The following RBFOX1 variants were observed in gnomAD, a reference collection of about 807,000 sequenced individuals.
RBFOX1 encodes RNA binding fox-1 homolog 1.
Under a neutral mutation model 57.7 loss-of-function variants are expected in RBFOX1, and 8 were observed. The ratio of observed to expected loss-of-function variants is 0.14; its 90% confidence interval spans 0.08 to 0.25. The LOEUF is 0.25. RBFOX1 is among the 10% of genes least tolerant of loss of function. RBFOX1 has a pLI of 1.00. For synonymous variants in RBFOX1, 326 were observed against 222.4 expected (o/e 1.47, Z -4.15); for missense variants, 611 against 548.5 (o/e 1.11, Z -1.14).
intron 4 of RBFOX1, among the ~76,000 whole-genome samples, chr16:5,977,063 C>G (rs895162750): frequency 1.3e-5 from 2 of 152,228 alleles, no homozygotes; most frequent in East Asian, 1.9e-4. Context: ...ATCAGAATCT[C>G]CTGTCTCAGA....
At chr16:6,122,960 T>TA (rs5815286) in intron 1 of RBFOX1, among the ~76,000 whole-genome samples, 55,892 of 147,370 alleles carry the variant, frequency 0.38, 11,058 homozygotes, top group Non-Finnish European at 0.46. Flanking sequence ...CAGCAAACCA[T>TA]AAAAAAAAAA....
intron 2 of RBFOX1, among the ~76,000 whole-genome samples, chr16:6,398,703 C>G (rs754130005): frequency 6.6e-6 from 1 of 152,236 alleles, no homozygotes; most frequent in East Asian, 1.9e-4. Flanking sequence ...CAGCTCTGCC[C>G]CTATGCCTTT....
intron 1 of RBFOX1, among the ~76,000 whole-genome samples, chr16:6,099,314 G>C (rs1254425133): frequency 6.6e-6 from 1 of 152,144 alleles, no homozygotes; most frequent in Non-Finnish European, 1.5e-5. Flanking sequence ...TCATGATGAC[G>C]TCAGTAAAGG....
At chr16:5,366,873 G>T (rs996025569) in intron 1 of RBFOX1, among the ~76,000 whole-genome samples, 48 of 152,196 alleles carry the variant, frequency 3.2e-4, no homozygotes, top group Admixed American at 3.1e-3. Context: ...TTTAAAGATG[G>T]AGCTTCACCC....
intron 14 of RBFOX1, among the ~76,000 whole-genome samples, chr16:7,695,963 G>GGGTGGAGATAGTGA (rs2078681643): frequency 6.6e-6 from 1 of 152,156 alleles, no homozygotes; most frequent in Non-Finnish European, 1.5e-5. Flanking sequence ...CAGGGGCTTC[G>GGGTGGAGATAGTGA]GGTGGAGATA....
At chr16:6,478,050 T>C (rs2095301538) in intron 2 of RBFOX1, among the ~76,000 whole-genome samples, 1 of 152,114 alleles carries the variant, frequency 6.6e-6, no homozygotes. Context: ...GAGAATGTTG[T>C]GGCTGGTTTG....
intron 1 of RBFOX1, among the ~76,000 whole-genome samples, chr16:6,096,048 T>C (rs2096241924): frequency 6.6e-6 from 1 of 152,196 alleles, no homozygotes; most frequent in African/African-American, 2.4e-5. Context: ...ACAATGGAAG[T>C]CTCATCATGT....
At chr16:6,708,064 C>G (rs1456681654) in intron 3 of RBFOX1, among the ~76,000 whole-genome samples, 1 of 152,110 alleles carries the variant, frequency 6.6e-6, no homozygotes, top group African/African-American at 2.4e-5. Context: ...CCCTGGCTTC[C>G]CTTTTGAATG....
At chr16:6,999,992 G>C (rs911260342) in intron 3 of RBFOX1, among the ~76,000 whole-genome samples, 1 of 150,648 alleles carries the variant, frequency 6.6e-6, no homozygotes, top group East Asian at 2.0e-4. Context: ...GAATTGCTTG[G>C]ACCTAGCAGG....
chr16:6,818,261 G>A (rs977412389), intron 3 of RBFOX1, among the ~76,000 whole-genome samples: 1 of 151,956 alleles, frequency 6.6e-6, no homozygotes, highest in African/African-American at 2.4e-5. Flanking sequence ...TTAGAAGTAG[G>A]TGCTTGTGTA....
chr16:5,405,314 C>G (rs1178395164), intron 1 of RBFOX1, among the ~76,000 whole-genome samples: 3 of 152,206 alleles, frequency 2.0e-5, no homozygotes, highest in Non-Finnish European at 2.9e-5. Flanking sequence ...TGGGAAGTAA[C>G]TGAACTATGG....
chr16:5,691,494 A>G (rs1016591633), intron 3 of RBFOX1, among the ~76,000 whole-genome samples: 3 of 152,214 alleles, frequency 2.0e-5, no homozygotes, highest in Non-Finnish European at 4.4e-5. Flanking sequence ...AAATATGTAT[A>G]TATTTGTGTG....
chr16:6,489,966 G>C (rs2095594974), intron 2 of RBFOX1, among the ~76,000 whole-genome samples: 1 of 152,176 alleles, frequency 6.6e-6, no homozygotes, highest in Non-Finnish European at 1.5e-5. Context: ...GTGTCTTCAA[G>C]AAACTTAAGT....
At chr16:7,495,493 C>G (rs1343916001) in intron 4 of RBFOX1, among the ~76,000 whole-genome samples, 1 of 152,160 alleles carries the variant, frequency 6.6e-6, no homozygotes, top group Admixed American at 6.5e-5. Context: ...TGTTTTTTGA[C>G]TTTTTACTAA....
At chr16:7,484,453 T>G (rs7198956) in intron 4 of RBFOX1, among the ~76,000 whole-genome samples, 3 of 152,026 alleles carry the variant, frequency 2.0e-5, no homozygotes, top group African/African-American at 2.4e-5. Context: ...TCCACTGGCA[T>G]TGTAGCATTG....
chr16:6,909,418 G>A (rs927480842), intron 3 of RBFOX1, among the ~76,000 whole-genome samples: 6 of 152,166 alleles, frequency 3.9e-5, no homozygotes, highest in African/African-American at 1.4e-4. Flanking sequence ...CATCTGCCAA[G>A]GTTCTTTTGC....
intron 3 of RBFOX1, among the ~76,000 whole-genome samples, chr16:6,967,179 A>C (rs1002150231): frequency 3.9e-5 from 6 of 151,906 alleles, no homozygotes; most frequent in African/African-American, 1.5e-4. Flanking sequence ...ACATTCACAC[A>C]TCCATTTTCT....
intron 2 of RBFOX1, among the ~76,000 whole-genome samples, chr16:5,518,456 C>T (rs2043878496): frequency 6.6e-6 from 1 of 152,132 alleles, no homozygotes; most frequent in Admixed American, 6.5e-5. Context: ...TACTTGGCAA[C>T]AAGGAGATTG....
intron 4 of RBFOX1, among the ~76,000 whole-genome samples, chr16:5,893,789 G>A (rs1363190131): frequency 6.8e-6 from 1 of 147,692 alleles, no homozygotes; most frequent in African/African-American, 2.5e-5. Flanking sequence ...CTGGGTGACA[G>A]AGCAAGACTC....
Sources: allele counts gnomAD v4.1 joint callset (sites outside exome capture counted in the v4.1 genomes callset), GRCh38; gene constraint gnomAD v4.1.1; transcripts MANE v1.5; gene names NCBI Gene and HGNC (gene_info 2026-07-23, HGNC 2026-07-21).